USP28: variants seen among roughly 807,000 people sequenced by gnomAD.
The protein encoded by USP28 is ubiquitin carboxyl-terminal hydrolase 28.
In USP28, 113 loss-of-function variants were observed where a neutral mutation model predicts 145.0. That is an observed-to-expected ratio of 0.78 (90% CI 0.67 to 0.91). The LOEUF is 0.91. USP28 is among the 40% of genes least tolerant of loss of function. The pLI is 0.00. For missense variants in USP28, 1,201 were observed against 1,289.6 expected (o/e 0.93, Z 1.05); for synonymous variants, 447 against 450.9 (o/e 0.99, Z 0.11).
At chr11:113,801,501 G>A in exon 24 of USP28, 1 of 1,583,188 alleles carries the variant, frequency 6.3e-7, no homozygotes, top group Non-Finnish European at 8.6e-7. Context: ...TCTTGCCCAA[G>A]GTAAGAGCAC....
At chr11:113,839,687 G>C (rs1410413900) in intron 5 of USP28, among the ~76,000 whole-genome samples, 2 of 152,094 alleles carry the variant, frequency 1.3e-5, no homozygotes, top group Non-Finnish European at 2.9e-5. Flanking sequence ...TCAGGAGTTC[G>C]AGACCAACCT....
chr11:113,860,873 C>CT (rs1947605516), intron 1 of USP28, among the ~76,000 whole-genome samples: 1 of 151,572 alleles, frequency 6.6e-6, no homozygotes, highest in South Asian at 2.1e-4. Flanking sequence ...AATCCCAGCA[C>CT]TTTGGGAGGC....
At chr11:113,831,637 A>G (rs2135954942) in intron 8 of USP28, among the ~76,000 whole-genome samples, 1 of 152,306 alleles carries the variant, frequency 6.6e-6, no homozygotes, top group African/African-American at 2.4e-5. Flanking sequence ...TGTCCTTTTT[A>G]CAAATACATT....
At chr11:113,809,810 A>G (rs1940661491) in intron 16 of USP28, among the ~76,000 whole-genome samples, 1 of 152,326 alleles carries the variant, frequency 6.6e-6, no homozygotes, top group African/African-American at 2.4e-5. Flanking sequence ...AGGCAGGCCA[A>G]TCACTTGAGG....
At chr11:113,839,000 G>A (rs574025309) in intron 5 of USP28, among the ~76,000 whole-genome samples, 6 of 152,300 alleles carry the variant, frequency 3.9e-5, no homozygotes, top group South Asian at 2.1e-4. Context: ...ATGCCTGATC[G>A]ATACTTCTGG....
intron 12 of USP28, among the ~76,000 whole-genome samples, chr11:113,819,100 G>A (rs559835890): frequency 6.6e-6 from 1 of 151,452 alleles, no homozygotes; most frequent in South Asian, 2.1e-4. Flanking sequence ...AGAAGAAATA[G>A]TGAGCATTTT....
Position 113,840,158 on chromosome 11 carries a change from A to G in USP28, c.534+440T>C, listed in dbSNP as rs1440704059. On this transcript the variant is annotated intron_variant, in intron 5 of 24. Transcript: ENST00000003302. The stretch of plus-strand genomic sequence containing the variant: ...CTCATAGTCTTACTCTTACTCAACT[A>G]CTGCAGGCATATCCTGGATCCAACT... Among the ~76,000 whole-genome samples the G allele has an allele frequency of 2.0e-5, 3 of 152,182 alleles. 1 individual carries two copies. Among genetic ancestry groups the G allele is most frequent in the African/African-American group, 4.8e-5 (2 of 41,432 alleles).
chr11:113,809,204 C>T lies in USP28; in HGVS notation c.2023G>A (p.Val675Met), dbSNP rs138830521. ...TCCTGAATGTAATGCTTGAGTTCCA[C>T]AGATAGGGCTTCCACTTCTGACATT... The change falls in exon 17 of 25, where the codon GTG becomes ATG. Residue 675 changes from valine (V) to methionine (M), a missense_variant. Physicochemically the swap from Val to Met is conservative, Grantham distance 21 (BLOSUM62 1). Coordinates refer to ENST00000003302, the Ensembl canonical transcript of USP28. The T allele has an allele frequency of 2.2e-5, 36 of 1,614,208 alleles. No homozygotes were observed. In the Admixed American group the frequency reaches 5.0e-4, roughly 22 times the overall value.
chr11:113,818,576 C>T (rs1029524355), intron 12 of USP28, among the ~76,000 whole-genome samples: 9 of 152,066 alleles, frequency 5.9e-5, no homozygotes, highest in Non-Finnish European at 1.5e-5. Flanking sequence ...TAACAATTTT[C>T]AGCTGGGCAT....
At chr11:113,837,153 A>G (rs1203070988) in intron 5 of USP28, among the ~76,000 whole-genome samples, 1 of 152,102 alleles carries the variant, frequency 6.6e-6, no homozygotes, top group African/African-American at 2.4e-5. Context: ...TATTATACAC[A>G]TTTTATTCAG....
intron 23 of USP28, 125 bp downstream of exon 24, chr11:113,803,033 A>G: frequency 1.7e-6 from 2 of 1,144,858 alleles, no homozygotes; most frequent in Non-Finnish European, 1.2e-6. Flanking sequence ...ACTGTTCATG[A>G]GAATTTTGGG....
intron 1 of USP28, among the ~76,000 whole-genome samples, chr11:113,863,257 T>TA (rs899365519): frequency 1.1e-4 from 16 of 151,508 alleles, no homozygotes; most frequent in South Asian, 6.2e-4. Context: ...AAAAGGAAAT[T>TA]AAAAAAAAAT....
intron 3 of USP28, among the ~76,000 whole-genome samples, chr11:113,847,198 G>A (rs980289203): frequency 2.0e-5 from 3 of 151,816 alleles, no homozygotes; most frequent in African/African-American, 7.3e-5. Flanking sequence ...AAACAATTAC[G>A]ATTTTAACAA....
intron 1 of USP28, among the ~76,000 whole-genome samples, chr11:113,872,783 T>C (rs906415124): frequency 4.6e-5 from 7 of 152,162 alleles, no homozygotes; most frequent in Non-Finnish European, 8.8e-5. Flanking sequence ...TAACAGTAAA[T>C]TTTGCTGCTA....
At chr11:113,868,997 GCATACTAA>G (rs1423508606) in intron 1 of USP28, among the ~76,000 whole-genome samples, 1 of 151,830 alleles carries the variant, frequency 6.6e-6, no homozygotes. Flanking sequence ...CCCTTATAAG[GCATACTAA>G]CATCTGAGGT....
chr11:113,854,962 G>T (rs1946885055), intron 1 of USP28, among the ~76,000 whole-genome samples: 1 of 152,196 alleles, frequency 6.6e-6, no homozygotes, highest in South Asian at 2.1e-4. Flanking sequence ...CATATAAGGA[G>T]TCCGGGGAAT....
intron 4 of USP28, 111 bp from the exon 5 acceptor site, chr11:113,840,868 T>C (rs1945122689): frequency 7.6e-7 from 1 of 1,318,450 alleles, no homozygotes; most frequent in South Asian, 1.7e-5. Flanking sequence ...AGAAAAAGTA[T>C]TTACTGGATA....
At chr11:113,799,386 G>C in exon 25 of USP28, 1 of 1,614,098 alleles carries the variant, frequency 6.2e-7, no homozygotes, top group Non-Finnish European at 8.5e-7. Context: ...AGTCTGGGTA[G>C]AAACTCCCCT....
In USP28 at chr11:113,841,763, T is replaced by C. The variant is rs1043575007; in HGVS notation, c.274A>G (p.Ile92Val). ...TCTTTGTTATCATGAGTAAGGTCTA[T>C]AACTTCTGTAAGATAAACAGAAATT... is the stretch of plus-strand genomic sequence containing the variant. The change falls in exon 4 of 25, where the codon ATA becomes GTA. Residue 92 changes from isoleucine to valine, a missense_variant. By Grantham distance (29) the Ile-to-Val change is conservative. Transcript: ENST00000003302. The C allele has an allele frequency of 3.7e-6, 6 of 1,608,866 alleles. No individual in the cohort carries two copies. Among genetic ancestry groups the C allele is most frequent in the Admixed American group, 1.7e-5 (1 of 59,566 alleles).
Sources: allele counts gnomAD v4.1 joint callset (sites outside exome capture counted in the v4.1 genomes callset), GRCh38; gene constraint gnomAD v4.1.1; transcripts MANE v1.5; gene names NCBI Gene and HGNC (gene_info 2026-07-23, HGNC 2026-07-21).